The following GRAMD1B variants were observed in gnomAD, a reference collection of about 807,000 sequenced individuals.
The protein encoded by GRAMD1B is protein Aster-B.
Under a neutral mutation model 99.7 loss-of-function variants are expected in GRAMD1B, and 37 were observed. The ratio of observed to expected loss-of-function variants is 0.37; its 90% CI spans 0.29 to 0.49. The LOEUF (loss-of-function observed/expected upper bound fraction) is 0.49. GRAMD1B is among the 20% of genes least tolerant of loss of function. The pLI is 0.98. For synonymous variants in GRAMD1B, 427 were observed against 387.6 expected (o/e 1.10, Z -1.19); for missense variants, 888 against 1,009.2 (o/e 0.88, Z 1.63).
intron 1 of GRAMD1B, among the ~76,000 whole-genome samples, chr11:123,414,389 A>T (rs1187306945): frequency 6.6e-6 from 1 of 152,118 alleles, no homozygotes; most frequent in African/African-American, 2.4e-5. Flanking sequence ...TCTTACTAGT[A>T]TTTATTGAGC....
intron 18 of GRAMD1B, 24 bp from the exon 19 acceptor site, chr11:123,619,083 G>A (rs1401015821): frequency 7.7e-7 from 1 of 1,303,932 alleles, no homozygotes; most frequent in Non-Finnish European, 1.1e-6. Flanking sequence ...CAGCTGCTGG[G>A]GTACCCCTTC....
At chr11:123,414,227 T>C (rs1948152049) in intron 1 of GRAMD1B, among the ~76,000 whole-genome samples, 1 of 152,138 alleles carries the variant, frequency 6.6e-6, no homozygotes, top group African/African-American at 2.4e-5. Context: ...GTATTTTTAG[T>C]AGAGACAGGG....
At chr11:123,420,341 C>G (rs1014570839) in intron 1 of GRAMD1B, among the ~76,000 whole-genome samples, 1 of 152,104 alleles carries the variant, frequency 6.6e-6, no homozygotes, top group Non-Finnish European at 1.5e-5. Flanking sequence ...GACTTCTTAA[C>G]AGGTAAGAGG....
intron 1 of GRAMD1B, among the ~76,000 whole-genome samples, chr11:123,412,846 A>G (rs762349061): frequency 5.9e-4 from 90 of 152,034 alleles, no homozygotes; most frequent in Non-Finnish European, 2.4e-4. Context: ...CAGTGGCGCG[A>G]TCTCGGCTTA....
At chr11:123,361,052 G>A (rs1296167321) in intron 1 of GRAMD1B, among the ~76,000 whole-genome samples, 1 of 152,024 alleles carries the variant, frequency 6.6e-6, no homozygotes, top group African/African-American at 2.4e-5. Flanking sequence ...TCCTGACCTT[G>A]TGATCCACCC....
chr11:123,577,618 G>A (rs180913050), intron 3 of GRAMD1B, 41 bp downstream of exon 3: 3 of 1,441,838 alleles, frequency 2.1e-6, no homozygotes, highest in Non-Finnish European at 2.9e-6. Flanking sequence ...CTTGTCAGGG[G>A]CTGCGGGGAG....
intron 1 of GRAMD1B, among the ~76,000 whole-genome samples, chr11:123,410,089 G>A (rs567457356): frequency 2.6e-5 from 4 of 152,288 alleles, no homozygotes; most frequent in African/African-American, 2.4e-5. Flanking sequence ...AGCACAGGGA[G>A]GCCTGCAGGC....
intron 7 of GRAMD1B, chr11:123,598,301 T>G (rs1202770596): frequency 7.8e-7 from 1 of 1,284,684 alleles, no homozygotes; most frequent in Non-Finnish European, 1.1e-6. Flanking sequence ...AGTGGCCAAG[T>G]GGCAGGTTTT....
intron 1 of GRAMD1B, among the ~76,000 whole-genome samples, chr11:123,478,874 T>C (rs990499873): frequency 7.2e-5 from 11 of 152,174 alleles, no homozygotes; most frequent in Admixed American, 7.2e-4. Context: ...CTGTGTGGGC[T>C]TTGGAATTTG....
At chr11:123,555,982 C>T (rs1418236471) in intron 2 of GRAMD1B, among the ~76,000 whole-genome samples, 2 of 152,192 alleles carry the variant, frequency 1.3e-5, no homozygotes, top group East Asian at 3.9e-4. Flanking sequence ...GATCCACCTG[C>T]CTCGGCCTCC....
intron 19 of GRAMD1B, among the ~76,000 whole-genome samples, chr11:123,621,597 T>C (rs1955117465): frequency 6.6e-6 from 1 of 152,202 alleles, no homozygotes; most frequent in Non-Finnish European, 1.5e-5. Context: ...AGCTTGGATT[T>C]GTTCTGAGCC....
At chr11:123,396,443 TTTTTGTA>T (rs1468754618) in intron 1 of GRAMD1B, among the ~76,000 whole-genome samples, 4 of 151,940 alleles carry the variant, frequency 2.6e-5, no homozygotes, top group Non-Finnish European at 5.9e-5. Flanking sequence ...GCCTGGCTAA[TTTTTGTA>T]TTTTTAGTAG....
At chr11:123,484,292 T>A (rs570072768) in intron 2 of GRAMD1B, among the ~76,000 whole-genome samples, 1 of 152,280 alleles carries the variant, frequency 6.6e-6, no homozygotes, top group East Asian at 1.9e-4. Context: ...AAGAGATGAG[T>A]AGTGCTGAGA....
At chr11:123,527,451 C>A (rs116838263) in intron 2 of GRAMD1B, among the ~76,000 whole-genome samples, 8 of 152,270 alleles carry the variant, frequency 5.3e-5, no homozygotes, top group African/African-American at 1.9e-4. Flanking sequence ...TCAAGAACTG[C>A]GAGTTCCCAG....
rs371802870 is a variant in GRAMD1B, at chr11:123,573,093, C to G, written c.453-4274C>G. Among the ~76,000 whole-genome samples, 5 of 150,140 alleles carry G rather than the reference C, an allele frequency of 3.3e-5. No individual in the cohort carries two copies. The East Asian group carries it at 6.0e-4, about 18-fold the overall frequency. On this transcript the variant is annotated intron_variant, in intron 2 of 19. Transcript: ENST00000635736. Reference sequence around the variant, plus strand: ...CTGGGGCAGGGGCGCAGGTAGGCCCCGATGGCTGGGGCAGGGGCGCAGGTA... The same window carrying G: ...CTGGGGCAGGGGCGCAGGTAGGCCCGGATGGCTGGGGCAGGGGCGCAGGTA...
At chr11:123,616,409 T>C (rs1042776320) in intron 17 of GRAMD1B, among the ~76,000 whole-genome samples, 8 of 152,256 alleles carry the variant, frequency 5.3e-5, no homozygotes, top group South Asian at 2.1e-4. Flanking sequence ...ATGCCATTGT[T>C]CTGTTAAATT....
At chr11:123,522,845 C>G (rs1188869902) in intron 2 of GRAMD1B, among the ~76,000 whole-genome samples, 8 of 152,206 alleles carry the variant, frequency 5.3e-5, no homozygotes, top group Non-Finnish European at 1.0e-4. Flanking sequence ...GATTTAGTCT[C>G]TTTTTTAACT....
chr11:123,536,963 C>T lies in GRAMD1B; in HGVS notation c.453-40404C>T, dbSNP rs115394002. Among the ~76,000 whole-genome samples, 1,029 of 152,338 alleles carry T rather than the reference C, an allele frequency of 6.8e-3. 11 individuals carry two copies. Among genetic ancestry groups the T allele is most frequent in the African/African-American group, 0.023 (949 of 41,572 alleles). On this transcript the variant is annotated intron_variant, in intron 2 of 19. Coordinates refer to ENST00000635736, the MANE Select transcript of GRAMD1B (RefSeq NM_001387025.1). ...GGCAGGATTAGAGCAGTAGATTGGTCTCTCAGACCTTCGGGGGCTTCATGC... is the reference window on the plus strand; with the variant it reads ...GGCAGGATTAGAGCAGTAGATTGGTTTCTCAGACCTTCGGGGGCTTCATGC...
At chr11:123,479,256 G>T (rs909793949) in intron 1 of GRAMD1B, among the ~76,000 whole-genome samples, 1 of 152,214 alleles carries the variant, frequency 6.6e-6, no homozygotes, top group Non-Finnish European at 1.5e-5. Flanking sequence ...AAAATTGGAT[G>T]TTAATTGCCT....
Sources: gnomAD v4.1 joint callset for allele counts (sites outside exome capture counted in the v4.1 genomes callset) on GRCh38, gnomAD v4.1.1 for gene constraint, MANE v1.5 for transcripts, NCBI Gene and HGNC (gene_info 2026-07-23, HGNC 2026-07-21) for gene names.